The following ADGRL3 variants were observed in gnomAD, a reference collection of about 807,000 sequenced individuals.
The protein encoded by ADGRL3 is adhesion G protein-coupled receptor L3, also known as calcium-independent alpha-latrotoxin receptor 3.
Under a neutral mutation model 153.5 loss-of-function variants are expected in ADGRL3, and 62 were observed. The observed-to-expected ratio is 0.40, with a 90% CI of 0.33 to 0.50. The LOEUF is 0.50. Ranked by LOEUF, ADGRL3 falls within the 20% of genes least tolerant of loss-of-function variation. The probability of loss-of-function intolerance (pLI) is 0.47; values close to 1 mark genes in which losing one functional copy is unlikely to be tolerated. For synonymous variants in ADGRL3, 710 were observed against 672.5 expected (o/e 1.06, Z -0.86); for missense variants, 1,641 against 1,859.4 (o/e 0.88, Z 2.16).
intron 9 of ADGRL3, among the ~76,000 whole-genome samples, chr4:61,856,377 C>G (rs2098263886): frequency 6.7e-6 from 1 of 148,704 alleles, no homozygotes; most frequent in Admixed American, 6.7e-5. Context: ...TTCCTTCCTT[C>G]CTTCTTCCTT....
At chr4:61,217,799 A>G (rs544151869) in intron 1 of ADGRL3, among the ~76,000 whole-genome samples, 41 of 152,112 alleles carry the variant, frequency 2.7e-4, no homozygotes, top group Non-Finnish European at 5.1e-4. Context: ...ATTTTTTCCC[A>G]TCCCCATTGA....
chr4:61,637,511 C>A (rs144979576), intron 5 of ADGRL3, among the ~76,000 whole-genome samples: 1,612 of 152,220 alleles, frequency 0.011, 34 homozygotes, highest in African/African-American at 0.036. Context: ...CACCTGTAAT[C>A]CCAGCACTTT....
chr4:61,497,833 T>C (rs2098338632), intron 3 of ADGRL3, among the ~76,000 whole-genome samples: 2 of 152,062 alleles, frequency 1.3e-5, no homozygotes, highest in East Asian at 3.9e-4. Flanking sequence ...CCATAATGTG[T>C]ATTTTAAGCT....
chr4:61,476,419 G>T (rs2098054145), intron 2 of ADGRL3, among the ~76,000 whole-genome samples: 1 of 151,894 alleles, frequency 6.6e-6, no homozygotes. Flanking sequence ...AAAAGACAGG[G>T]TTTTGGCCAG....
intron 2 of ADGRL3, among the ~76,000 whole-genome samples, chr4:61,451,342 T>G (rs1357870064): frequency 2.6e-5 from 4 of 152,046 alleles, no homozygotes; most frequent in Admixed American, 2.6e-4. Context: ...TATAACATTT[T>G]AATGAAAAAA....
chr4:61,534,621 G>T (rs758197383), intron 4 of ADGRL3, among the ~76,000 whole-genome samples: 23 of 152,042 alleles, frequency 1.5e-4, no homozygotes, highest in African/African-American at 4.8e-4. Context: ...ATTCATCAGT[G>T]TTTTGTGGTT....
chr4:61,846,603 T>C (rs1282675011), intron 9 of ADGRL3, among the ~76,000 whole-genome samples: 1 of 152,072 alleles, frequency 6.6e-6, no homozygotes, highest in African/African-American at 2.4e-5. Context: ...TCATGTAGCA[T>C]TTAATTTGTG....
intron 17 of ADGRL3, 62 bp from the exon 18 acceptor site, chr4:61,979,501 T>C (rs2099060022): frequency 7.3e-7 from 1 of 1,362,590 alleles, no homozygotes. Context: ...TCCAGGCCCT[T>C]ATAAAACTTT....
At chr4:61,206,755 G>A (rs935258306) in intron 1 of ADGRL3, among the ~76,000 whole-genome samples, 1 of 152,242 alleles carries the variant, frequency 6.6e-6, no homozygotes, top group East Asian at 1.9e-4. Context: ...GCTGAGATGG[G>A]CAGATCACTT....
intron 9 of ADGRL3, among the ~76,000 whole-genome samples, chr4:61,885,199 C>T (rs1561414085): frequency 6.6e-6 from 1 of 151,938 alleles, no homozygotes; most frequent in Non-Finnish European, 1.5e-5. Flanking sequence ...TCGCTTGGCG[C>T]GCGCCTGTAA....
intron 5 of ADGRL3, among the ~76,000 whole-genome samples, chr4:61,663,992 G>A (rs1164629749): frequency 6.6e-6 from 1 of 152,094 alleles, no homozygotes; most frequent in African/African-American, 2.4e-5. Context: ...TCATCTTAAG[G>A]CCTATAGCAA....
intron 4 of ADGRL3, among the ~76,000 whole-genome samples, chr4:61,561,470 A>G (rs1372358539): frequency 6.6e-6 from 1 of 152,176 alleles, no homozygotes; most frequent in Non-Finnish European, 1.5e-5. Context: ...GCTTCCAGGA[A>G]GAAAAATAAG....
At chr4:61,991,182 CGTT>C (rs1478611361) in intron 19 of ADGRL3, among the ~76,000 whole-genome samples, 2 of 151,782 alleles carry the variant, frequency 1.3e-5, no homozygotes, top group African/African-American at 2.4e-5. Flanking sequence ...TGATCAGCAA[CGTT>C]GTTTTCAATT....
At position 62,027,110 on chromosome 4, in the gene ADGRL3, T is replaced by C. The variant is rs556095195; in HGVS notation, c.3396-1745T>C. On this transcript the variant is annotated intron_variant, in intron 21 of 26. Coordinates refer to ENST00000683033, the MANE Select transcript of ADGRL3 (RefSeq NM_001387552.1). ...TCACAGATGGAATATACTGATGCAA[T>C]GGGAATGCATATAATATAATAAATA... 2.7e-3 allele frequency among the ~76,000 whole-genome samples: 412 copies of C among 152,140 alleles called. 1 individual carries two copies. The highest frequency in any genetic ancestry group is 3.6e-3 in the Non-Finnish European group (243 of 67,942).
At chr4:61,938,296 C>T (rs2098847649) in intron 15 of ADGRL3, among the ~76,000 whole-genome samples, 1 of 152,068 alleles carries the variant, frequency 6.6e-6, no homozygotes, top group Non-Finnish European at 1.5e-5. Context: ...CAAAAATCAG[C>T]ATTTTAATAT....
intron 2 of ADGRL3, among the ~76,000 whole-genome samples, chr4:61,477,436 G>A (rs1276364361): frequency 4.0e-5 from 6 of 151,848 alleles, no homozygotes; most frequent in East Asian, 1.9e-4. Context: ...CTATTTGATC[G>A]GTAAAGACAT....
At chr4:61,721,166 G>T (rs1020830619) in intron 6 of ADGRL3, among the ~76,000 whole-genome samples, 16 of 152,122 alleles carry the variant, frequency 1.1e-4, no homozygotes, top group Non-Finnish European at 1.5e-4. Flanking sequence ...GGACTAATAG[G>T]ATAGATGTAT....
intron 21 of ADGRL3, among the ~76,000 whole-genome samples, chr4:62,013,664 C>T (rs1041439200): frequency 1.3e-5 from 2 of 151,904 alleles, no homozygotes; most frequent in African/African-American, 4.8e-5. Flanking sequence ...CTGAGGTGGG[C>T]GGATCACGAG....
intron 13 of ADGRL3, among the ~76,000 whole-genome samples, chr4:61,922,903 A>C (rs2098776599): frequency 6.6e-6 from 1 of 152,236 alleles, no homozygotes; most frequent in Non-Finnish European, 1.5e-5. Flanking sequence ...TCAAAGAATT[A>C]AAACACAGTC....
Sources: allele counts gnomAD v4.1 joint callset (sites outside exome capture counted in the v4.1 genomes callset), GRCh38; gene constraint gnomAD v4.1.1; transcripts MANE v1.5; gene names NCBI Gene and HGNC (gene_info 2026-07-23, HGNC 2026-07-21).